Variants in ROBO2 observed in about 807,000 individuals in gnomAD.
The protein encoded by ROBO2 is roundabout guidance receptor 2.
Under a neutral mutation model 160.8 loss-of-function variants are expected in ROBO2, and 53 were observed. The observed-to-expected ratio is 0.33, with a 90% confidence interval of 0.26 to 0.41. The LOEUF (loss-of-function observed/expected upper bound fraction) is 0.41, where lower values mean the gene tolerates loss of function less well. ROBO2 is among the 10% of genes least tolerant of loss of function. The pLI, the probability that ROBO2 is intolerant of heterozygous loss-of-function variation, is 1.00. For synonymous variants in ROBO2, 664 were observed against 611.7 expected (o/e 1.09, Z -1.26); for missense variants, 1,577 against 1,722.4 (o/e 0.92, Z 1.49).
At chr3:76,278,562 A>C (rs1708062021) in intron 2 of ROBO2, among the ~76,000 whole-genome samples, 2 of 151,988 alleles carry the variant, frequency 1.3e-5, no homozygotes. Flanking sequence ...GGAGTCAATA[A>C]AAATAACAGA....
chr3:77,060,166 G>A (rs1425059874), intron 1 of ROBO2, among the ~76,000 whole-genome samples: 1 of 152,182 alleles, frequency 6.6e-6, no homozygotes, highest in Non-Finnish European at 1.5e-5. Context: ...TGCAGTTTGA[G>A]TGTCTTTGGT....
intron 2 of ROBO2, among the ~76,000 whole-genome samples, chr3:77,008,938 G>A (rs533004590): frequency 6.6e-6 from 1 of 152,224 alleles, no homozygotes; most frequent in South Asian, 2.1e-4. Context: ...CTGAGTAAAT[G>A]TATAGACTAT....
intron 2 of ROBO2, among the ~76,000 whole-genome samples, chr3:77,277,172 C>CTTTCTTTCTTTG (rs1449582766): frequency 1.0e-5 from 1 of 96,872 alleles, no homozygotes; most frequent in East Asian, 2.4e-4. Flanking sequence ...TTCTTTCTTT[C>CTTTCTTTCTTTG]TTTCTTTCTT....
At chr3:77,403,682 T>A (rs2076021366) in intron 2 of ROBO2, among the ~76,000 whole-genome samples, 1 of 151,686 alleles carries the variant, frequency 6.6e-6, no homozygotes. Flanking sequence ...TTATTGTGAA[T>A]AATGCTGCAA....
At chr3:77,565,156 G>A (rs774564923) in intron 12 of ROBO2, 36 bp downstream of exon 13, 1 of 1,610,148 alleles carries the variant, frequency 6.2e-7, no homozygotes, top group South Asian at 1.1e-5. Context: ...CTGGTTCTAG[G>A]CAGAAACATC....
At chr3:76,718,008 T>C (rs155334) in intron 2 of ROBO2, among the ~76,000 whole-genome samples, 53,939 of 152,160 alleles carry the variant, frequency 0.35, 11,144 homozygotes, top group Non-Finnish European at 0.47. Context: ...TCAGATAAGA[T>C]GCTTGTAATT....
chr3:75,959,184 G>A (rs1948820973), intron 2 of ROBO2, among the ~76,000 whole-genome samples: 1 of 151,554 alleles, frequency 6.6e-6, no homozygotes, highest in Non-Finnish European at 1.5e-5. Context: ...TGGTGGTAGT[G>A]GTGATATTTA....
At chr3:77,249,632 T>A (rs987732463) in intron 2 of ROBO2, among the ~76,000 whole-genome samples, 17 of 16,036 alleles carry the variant, frequency 1.1e-3, no homozygotes, top group African/African-American at 2.0e-3. Context: ...ACTTTTTTTT[T>A]ATTTAAAAAT....
chr3:77,378,471 T>A (rs1277740039), intron 2 of ROBO2, among the ~76,000 whole-genome samples: 2 of 152,128 alleles, frequency 1.3e-5, no homozygotes, highest in African/African-American at 2.4e-5. Context: ...AAACAGGACA[T>A]TTGGCTCCAG....
At chr3:77,303,609 T>C (rs1473257759) in intron 2 of ROBO2, among the ~76,000 whole-genome samples, 1 of 151,988 alleles carries the variant, frequency 6.6e-6, no homozygotes, top group East Asian at 1.9e-4. Flanking sequence ...AATATAGGGG[T>C]ATCTTATAAC....
At chr3:76,401,547 T>G (rs542017580) in intron 2 of ROBO2, among the ~76,000 whole-genome samples, 1 of 151,638 alleles carries the variant, frequency 6.6e-6, no homozygotes, top group Admixed American at 6.6e-5. Context: ...TAAGTAAGGA[T>G]GAGCAATTAA....
intron 2 of ROBO2, among the ~76,000 whole-genome samples, chr3:76,650,481 C>CTTT (rs67171130): frequency 6.1e-5 from 9 of 146,728 alleles, no homozygotes; most frequent in African/African-American, 2.0e-4. Flanking sequence ...CCTTCTTTCT[C>CTTT]TTTTTTTTTT....
chr3:76,542,527 T>C (rs975690294), intron 2 of ROBO2, among the ~76,000 whole-genome samples: 23 of 152,176 alleles, frequency 1.5e-4, no homozygotes, highest in Non-Finnish European at 2.9e-5. Flanking sequence ...TGGATGTTTT[T>C]GCACTGCTGT....
chr3:76,570,406 T>G (rs868575408), intron 2 of ROBO2, among the ~76,000 whole-genome samples: 2 of 152,212 alleles, frequency 1.3e-5, no homozygotes, highest in African/African-American at 2.4e-5. Flanking sequence ...AATTTACACA[T>G]AAACTTAATG....
chr3:76,151,926 A>G (rs1393159453), intron 2 of ROBO2, among the ~76,000 whole-genome samples: 1 of 152,230 alleles, frequency 6.6e-6, no homozygotes, highest in Non-Finnish European at 1.5e-5. Context: ...ATGAGTATTG[A>G]TTCATCCAAT....
rs188329582 is a variant in ROBO2, at chr3:76,258,673, G to T, written c.109+321071G>T. ...CTTCATCTCCTTTTTTAAATTTTCAGATATTTTTCTAAAATGTGTAGCTTA... is the reference window on the plus strand; with the variant it reads ...CTTCATCTCCTTTTTTAAATTTTCATATATTTTTCTAAAATGTGTAGCTTA... On this transcript the variant is annotated intron_variant, in intron 2 of 26. Transcript: ENST00000487694. Among the ~76,000 whole-genome samples the T allele has an allele frequency of 2.4e-4, 37 of 151,890 alleles. 1 individual carries two copies. In the East Asian group the frequency reaches 6.8e-3, roughly 28 times the overall value.
chr3:76,983,497 C>T (rs2060207759), intron 2 of ROBO2, among the ~76,000 whole-genome samples: 1 of 151,804 alleles, frequency 6.6e-6, no homozygotes, highest in Non-Finnish European at 1.5e-5. Flanking sequence ...ATAATTAATC[C>T]ATCTATTTAG....
At chr3:76,563,227 C>G (rs1349130126) in intron 2 of ROBO2, among the ~76,000 whole-genome samples, 1 of 152,090 alleles carries the variant, frequency 6.6e-6, no homozygotes, top group Non-Finnish European at 1.5e-5. Context: ...TTAGCTCTGT[C>G]ATCAGACACT....
intron 2 of ROBO2, among the ~76,000 whole-genome samples, chr3:76,385,283 C>T (rs951821860): frequency 2.6e-5 from 4 of 152,178 alleles, no homozygotes; most frequent in African/African-American, 9.7e-5. Context: ...TGAACCATCA[C>T]GCCCAGCCTG....
Sources: gnomAD v4.1 joint callset for allele counts (sites outside exome capture counted in the v4.1 genomes callset) on GRCh38, gnomAD v4.1.1 for gene constraint, MANE v1.5 for transcripts, NCBI Gene and HGNC (gene_info 2026-07-23, HGNC 2026-07-21) for gene names.